Variants in FNDC3A observed in about 807,000 individuals in gnomAD.
FNDC3A encodes the protein fibronectin type-III domain-containing protein 3A.
In FNDC3A, 32 loss-of-function variants were observed where a neutral mutation model predicts 148.9. That is an observed-to-expected ratio of 0.21 (90% CI 0.16 to 0.29). The LOEUF is 0.29. FNDC3A is among the 10% of genes least tolerant of loss of function. The probability of loss-of-function intolerance (pLI) is 1.00; values close to 1 mark genes in which losing one functional copy is unlikely to be tolerated. For synonymous variants in FNDC3A, 472 were observed against 473.6 expected (o/e 1.00, Z 0.04); for missense variants, 1,191 against 1,452.8 (o/e 0.82, Z 2.93).
Position 49,131,299 on chromosome 13 carries a change from C to A in FNDC3A, c.415C>A (p.Pro139Thr), listed in dbSNP as rs779581907. The A allele has an allele frequency of 6.2e-7, 1 of 1,614,060 alleles. No individual in the cohort carries two copies. The change falls in exon 5 of 26, where the codon CCC (proline) becomes ACC (threonine). Residue 139 changes from proline (P) to threonine (T), a missense_variant. Pro to Thr is a conservative substitution (Grantham distance 38). Transcript: ENST00000492622. ...MPPPPRHMYS[P>T]VTGAGDMTTQ... ...GCCTCCACCACGTCATATGTACTCA[C>A]CCGTGACTGGAGCTGGAGACATGAC...
intron 25 of FNDC3A, among the ~76,000 whole-genome samples, chr13:49,205,235 G>A (rs1178800478): frequency 2.0e-5 from 3 of 152,056 alleles, no homozygotes; most frequent in African/African-American, 7.3e-5. Flanking sequence ...ATTTGTTGAG[G>A]TTTTTCTTTC....
At chr13:49,090,535 T>C (rs1054036716) in intron 3 of FNDC3A, among the ~76,000 whole-genome samples, 19 of 152,168 alleles carry the variant, frequency 1.2e-4, no homozygotes, top group African/African-American at 4.3e-4. Flanking sequence ...GTCACAGACA[T>C]GCAAACAAAG....
intron 2 of FNDC3A, among the ~76,000 whole-genome samples, chr13:49,021,612 T>A (rs1483147626): frequency 6.6e-6 from 1 of 152,188 alleles, no homozygotes; most frequent in African/African-American, 2.4e-5. Context: ...CAAATTAAAA[T>A]GACACAAAGC....
chr13:49,007,138 T>G (rs1461077957), intron 2 of FNDC3A, among the ~76,000 whole-genome samples: 1 of 152,120 alleles, frequency 6.6e-6, no homozygotes, highest in African/African-American at 2.4e-5. Context: ...CTGTTACTCA[T>G]ACTGCCTCCT....
intron 4 of FNDC3A, among the ~76,000 whole-genome samples, chr13:49,128,291 A>ATGGTTTCCC (rs1406983124): frequency 6.6e-6 from 1 of 152,148 alleles, no homozygotes; most frequent in African/African-American, 2.4e-5. Context: ...AGCTTTCTGA[A>ATGGTTTCCC]TGGTTTCCCT....
intron 14 of FNDC3A, among the ~76,000 whole-genome samples, chr13:49,180,413 A>G (rs1383561101): frequency 6.6e-6 from 1 of 152,186 alleles, no homozygotes; most frequent in Admixed American, 6.5e-5. Context: ...TTATGCTATT[A>G]GCTTCATTTT....
At chr13:49,152,738 A>C (rs1245024114) in intron 8 of FNDC3A, among the ~76,000 whole-genome samples, 1 of 144,402 alleles carries the variant, frequency 6.9e-6, no homozygotes, top group East Asian at 2.1e-4. Context: ...CTCATTGTTC[A>C]GTTCCCACCT....
intron 3 of FNDC3A, among the ~76,000 whole-genome samples, chr13:49,084,013 A>G (rs1461199847): frequency 6.6e-6 from 1 of 152,230 alleles, no homozygotes; most frequent in Non-Finnish European, 1.5e-5. Context: ...ATCTGTGCAC[A>G]GGCACATAAG....
chr13:49,103,788 T>C (rs971372982), intron 3 of FNDC3A, among the ~76,000 whole-genome samples: 5 of 152,196 alleles, frequency 3.3e-5, no homozygotes, highest in South Asian at 2.1e-4. Flanking sequence ...GATTAACTTA[T>C]CATGGGAAAC....
intron 2 of FNDC3A, among the ~76,000 whole-genome samples, chr13:49,052,580 G>T (rs945142594): frequency 1.3e-5 from 2 of 152,182 alleles, no homozygotes; most frequent in Non-Finnish European, 2.9e-5. Context: ...GGAGGTAACA[G>T]GGGAGTAAAG....
intron 3 of FNDC3A, among the ~76,000 whole-genome samples, chr13:49,085,593 G>A (rs1368621192): frequency 6.6e-6 from 1 of 152,138 alleles, no homozygotes; most frequent in Non-Finnish European, 1.5e-5. Context: ...GTAGATCATA[G>A]TCACTACAAC....
chr13:49,107,322 G>A (rs1344045306), intron 3 of FNDC3A, among the ~76,000 whole-genome samples: 1 of 152,162 alleles, frequency 6.6e-6, no homozygotes, highest in East Asian at 1.9e-4. Flanking sequence ...TGAGAAGTTT[G>A]AGAAAAGAGT....
At chr13:49,142,042 G>A (rs964313942) in intron 7 of FNDC3A, among the ~76,000 whole-genome samples, 14 of 152,236 alleles carry the variant, frequency 9.2e-5, no homozygotes, top group Middle Eastern at 3.4e-3. Flanking sequence ...TACTTTAGGT[G>A]GTAGTTGTAA....
intron 4 of FNDC3A, among the ~76,000 whole-genome samples, chr13:49,119,078 G>C (rs1003207574): frequency 6.6e-6 from 1 of 152,212 alleles, no homozygotes; most frequent in African/African-American, 2.4e-5. Context: ...CTTCCAGCAG[G>C]GTCGACAGAC....
chr13:49,057,739 T>C (rs1876357613), intron 2 of FNDC3A, among the ~76,000 whole-genome samples: 1 of 152,120 alleles, frequency 6.6e-6, no homozygotes, highest in African/African-American at 2.4e-5. Context: ...ACTAAGCATA[T>C]ATGGTATCTT....
At position 49,139,982 on chromosome 13, in the gene FNDC3A, A is replaced by G. The variant is rs929025317; in HGVS notation, c.819+1177A>G. 6.6e-5 allele frequency among the ~76,000 whole-genome samples: 10 copies of G among 152,204 alleles called. No individual in the cohort carries two copies. The East Asian group carries it at 1.9e-3, about 29-fold the overall frequency. Reference sequence around the variant, plus strand: ...GAATTTAGTAGGCTTAATAAGATTGATGTTTGAGTGATTTAATAGCTAATG... The same window carrying G: ...GAATTTAGTAGGCTTAATAAGATTGGTGTTTGAGTGATTTAATAGCTAATG... On this transcript the variant is annotated intron_variant, in intron 7 of 25. Transcript: ENST00000492622.
At chr13:48,980,762 A>C (rs1383053048) in intron 1 of FNDC3A, among the ~76,000 whole-genome samples, 3 of 152,320 alleles carry the variant, frequency 2.0e-5, no homozygotes, top group African/African-American at 7.2e-5. Context: ...GTGGCTGCAC[A>C]AATCAATTGG....
At chr13:49,190,764 C>A (rs1436830599) in intron 17 of FNDC3A, among the ~76,000 whole-genome samples, 1 of 152,016 alleles carries the variant, frequency 6.6e-6, no homozygotes. Flanking sequence ...CATTGAAGTT[C>A]TTTTTCAGTA....
intron 1 of FNDC3A, among the ~76,000 whole-genome samples, chr13:48,998,310 C>G (rs1952059974): frequency 6.6e-6 from 1 of 152,078 alleles, no homozygotes; most frequent in African/African-American, 2.4e-5. Context: ...AATTAAAAAT[C>G]CGAAATATAA....
Sources: gnomAD v4.1 joint callset for allele counts (sites outside exome capture counted in the v4.1 genomes callset) on GRCh38, gnomAD v4.1.1 for gene constraint, MANE v1.5 for transcripts, NCBI Gene and HGNC (gene_info 2026-07-23, HGNC 2026-07-21) for gene names.